Variants in JAK1 observed in about 807,000 individuals in gnomAD.
The protein encoded by JAK1 is tyrosine-protein kinase JAK1.
In JAK1, 16 loss-of-function variants were observed where a neutral mutation model predicts 136.6. The ratio of observed to expected loss-of-function variants is 0.12; its 90% confidence interval spans 0.08 to 0.18. JAK1 has a LOEUF of 0.18. Among genes scored for constraint, JAK1 ranks in the 10% least tolerant of loss-of-function variants. The pLI is 1.00. For missense variants in JAK1, 859 were observed against 1,450.1 expected, an observed-to-expected ratio of 0.59 and a Z score of 6.62; for synonymous variants, 492 against 519.5, an observed-to-expected ratio of 0.95 and a Z score of 0.72.
chr1:64,920,343 C>T (rs763964178), intron 1 of JAK1, among the ~76,000 whole-genome samples: 1 of 152,036 alleles, frequency 6.6e-6, no homozygotes, highest in Non-Finnish European at 1.5e-5. Context: ...AATTCAAGAC[C>T]AGCCTGGGCA....
At chr1:64,835,312 C>G (rs879300535) in intron 24 of JAK1, 84 bp downstream of exon 24, 10 of 688,782 alleles carry the variant, frequency 1.5e-5, no homozygotes, top group Non-Finnish European at 2.5e-6. Context: ...TCCTCGCTCT[C>G]CCCTCTACCC....
At chr1:65,041,498 C>T (rs74830098) in intron 2 of JAK1, among the ~76,000 whole-genome samples, 7,710 of 152,160 alleles carry the variant, frequency 0.051, 317 homozygotes, top group Admixed American at 0.14. Context: ...CCCACCTGTG[C>T]TCCAACCTGT....
intron 8 of JAK1, among the ~76,000 whole-genome samples, chr1:64,860,826 C>CTGTGTGTGTGTGTG (rs72032330): frequency 0.011 from 1,367 of 119,738 alleles, 70 homozygotes; most frequent in Admixed American, 0.048. Context: ...TCAGATGACT[C>CTGTGTGTGTGTGTG]TGTGTGTGTG....
chr1:65,044,746 G>T (rs904420275), intron 1 of JAK1, among the ~76,000 whole-genome samples: 3 of 152,226 alleles, frequency 2.0e-5, no homozygotes, highest in African/African-American at 7.2e-5. Context: ...CAGTACAAGA[G>T]AGGAGTGAAG....
chr1:64,976,169 T>C (rs1023402305), intron 2 of JAK1, among the ~76,000 whole-genome samples: 3 of 152,188 alleles, frequency 2.0e-5, no homozygotes, highest in African/African-American at 7.2e-5. Flanking sequence ...AGGTCTCTGA[T>C]TCAATGCATA....
At chr1:64,965,991 G>T (rs930888634) in intron 1 of JAK1, among the ~76,000 whole-genome samples, 1 of 152,024 alleles carries the variant, frequency 6.6e-6, no homozygotes, top group Non-Finnish European at 1.5e-5. Flanking sequence ...CCTGTATCTC[G>T]GGGTGGTATA....
At chr1:65,006,637 C>T (rs1293535678) in intron 2 of JAK1, among the ~76,000 whole-genome samples, 1 of 152,138 alleles carries the variant, frequency 6.6e-6, no homozygotes, top group African/African-American at 2.4e-5. Flanking sequence ...ACCACCACAC[C>T]CAACCCAGTT....
rs985933205 is a variant in JAK1 at position 64,833,933 on chromosome 1, A to T, written c.*629T>A. On this transcript the variant is annotated 3_prime_UTR_variant, in exon 25 of 25. Transcript: ENST00000342505. The stretch of plus-strand genomic sequence containing the variant: ...CCCATGTAGAACCAGCTTTCTCAAA[A>T]ATGGGTGCTAGTGATCACCCAAAGG... The T allele has an allele frequency of 4.3e-6, 1 of 232,864 alleles. No individual in the cohort carries two copies. The allele number at this position is 232,864 out of a possible 1,614,324, so 14.4% of individuals were successfully genotyped here.
Position 65,018,741 on chromosome 1 carries a change from C to T in JAK1, c.-78+25739G>A, listed in dbSNP as rs372011878. ...AAAAAATAATAAAGGCCGGGCCCGGCGGCTCACGCCTGTAATCCCAGCACT... is the reference window on the plus strand; with the variant it reads ...AAAAAATAATAAAGGCCGGGCCCGGTGGCTCACGCCTGTAATCCCAGCACT... On this transcript the variant is annotated intron_variant, in intron 2 of 25. Coordinates refer to the JAK1 transcript ENST00000671954. Among the ~76,000 whole-genome samples, 5 of 152,094 alleles carry T rather than the reference C, an allele frequency of 3.3e-5. No individual in the cohort carries two copies. In the South Asian group the frequency reaches 6.2e-4, roughly 19 times the overall value.
In JAK1 at chr1:64,986,585, TGTTGTGAAGATTAAGTTAAATAATAA is replaced by T. The variant is rs1030651365; in HGVS notation, c.-78+57869_-78+57894del. On this transcript the variant is annotated intron_variant, in intron 2 of 25. Coordinates refer to the JAK1 transcript ENST00000671954. Reference sequence around the variant, plus strand: ...TCTCCTATTTTCTATCTTCTAAAGTTGTTGTGAAGATTAAGTTAAATAATAAGCTGGGTGCAGTGGCTCATGTCTGT... The same window carrying T: ...TCTCCTATTTTCTATCTTCTAAAGTTGCTGGGTGCAGTGGCTCATGTCTGT... Among the ~76,000 whole-genome samples, 74 of 152,232 alleles carry T rather than the reference TGTTGTGAAGATTAAGTTAAATAATAA, an allele frequency of 4.9e-4. 3 individuals are homozygous for T. In the South Asian group the frequency reaches 0.015, roughly 32 times the overall value.
At chr1:64,983,159 T>G (rs1424213885) in intron 2 of JAK1, among the ~76,000 whole-genome samples, 2 of 152,064 alleles carry the variant, frequency 1.3e-5, no homozygotes, top group African/African-American at 4.8e-5. Flanking sequence ...GCTGTGGGAA[T>G]AAACACAGAG....
intron 1 of JAK1, among the ~76,000 whole-genome samples, chr1:64,960,999 TCCTTGTCATAAA>T (rs967642307): frequency 2.6e-5 from 4 of 152,214 alleles, no homozygotes; most frequent in African/African-American, 9.7e-5. Context: ...GTTTTGGTTC[TCCTTGTCATAAA>T]CCAGTAGAAA....
chr1:65,000,395 T>G (rs1039252415), intron 2 of JAK1, among the ~76,000 whole-genome samples: 1 of 151,604 alleles, frequency 6.6e-6, no homozygotes, highest in African/African-American at 2.4e-5. Flanking sequence ...CCCAGATACT[T>G]GGGAGGCTGA....
At chr1:64,999,998 T>TG (rs888781496) in intron 2 of JAK1, among the ~76,000 whole-genome samples, 1 of 151,416 alleles carries the variant, frequency 6.6e-6, no homozygotes, top group South Asian at 2.1e-4. Context: ...CATAAGTTTT[T>TG]TTTTTTTTTT....
At chr1:64,974,887 G>T (rs1646484368) in intron 2 of JAK1, among the ~76,000 whole-genome samples, 1 of 151,620 alleles carries the variant, frequency 6.6e-6, no homozygotes, top group South Asian at 2.1e-4. Flanking sequence ...TTTTGTTTTT[G>T]TTTGTTTGTT....
chr1:64,882,860 C>T (rs948778861), intron 3 of JAK1, among the ~76,000 whole-genome samples: 3 of 152,044 alleles, frequency 2.0e-5, no homozygotes, highest in Admixed American at 1.3e-4. Context: ...GGAGAAGTTT[C>T]GAATAATTAT....
At chr1:64,954,282 G>A (rs2100593001) in intron 1 of JAK1, among the ~76,000 whole-genome samples, 1 of 152,280 alleles carries the variant, frequency 6.6e-6, no homozygotes, top group East Asian at 1.9e-4. Flanking sequence ...ATGCCAATAA[G>A]ATCCAAGTCT....
chr1:65,044,695 G>A (rs1215400091), intron 1 of JAK1, among the ~76,000 whole-genome samples: 1 of 152,184 alleles, frequency 6.6e-6, no homozygotes, highest in Non-Finnish European at 1.5e-5. Flanking sequence ...GTAGCCAACA[G>A]GCCAACGGCA....
chr1:65,023,758 C>A (rs1332594757), intron 2 of JAK1, among the ~76,000 whole-genome samples: 1 of 151,978 alleles, frequency 6.6e-6, no homozygotes, highest in Non-Finnish European at 1.5e-5. Flanking sequence ...GCTGGGATTA[C>A]AGGTGTGAGC....
Sources: allele counts gnomAD v4.1 joint callset (sites outside exome capture counted in the v4.1 genomes callset), GRCh38; gene constraint gnomAD v4.1.1; transcripts MANE v1.5; gene names NCBI Gene and HGNC (gene_info 2026-07-23, HGNC 2026-07-21).